The following GBE1 variants were observed in gnomAD, a reference collection of about 807,000 sequenced individuals.
The protein encoded by GBE1 is 1,4-alpha-glucan-branching enzyme.
GBE1 carries 70 observed loss-of-function variants against 88.8 expected under a neutral mutation model. That is an observed-to-expected ratio of 0.79 (90% CI 0.65 to 0.96). The LOEUF (loss-of-function observed/expected upper bound fraction) is 0.96. Among genes scored for constraint, GBE1 ranks in the 40% least tolerant of loss-of-function variants. GBE1 has a pLI of 0.00. For synonymous variants in GBE1, 284 were observed against 300.1 expected, an observed-to-expected ratio of 0.95 and a Z score of 0.56; for missense variants, 872 against 871.0, an observed-to-expected ratio of 1.00 and a Z score of -0.01.
chr3:81,750,635 ATATATATATG>A (rs1706507059), intron 1 of GBE1, among the ~76,000 whole-genome samples: 3 of 59,354 alleles, frequency 5.1e-5, no homozygotes, highest in African/African-American at 3.1e-4. Context: ...ATATACGTAT[ATATATATATG>A]TATATATATA....
chr3:81,712,564 C>G (rs546451494), intron 1 of GBE1, among the ~76,000 whole-genome samples: 3 of 151,732 alleles, frequency 2.0e-5, no homozygotes, highest in African/African-American at 4.8e-5. Flanking sequence ...AACCAAACAC[C>G]GCATGTTCTC....
At chr3:81,547,370 G>A (rs1703219359) in intron 12 of GBE1, among the ~76,000 whole-genome samples, 1 of 151,602 alleles carries the variant, frequency 6.6e-6, no homozygotes, top group Non-Finnish European at 1.5e-5. Flanking sequence ...GCTCTTTGGA[G>A]TAATCTGCTT....
At chr3:81,718,239 C>T (rs1315891995) in intron 1 of GBE1, among the ~76,000 whole-genome samples, 1 of 151,952 alleles carries the variant, frequency 6.6e-6, no homozygotes, top group African/African-American at 2.4e-5. Flanking sequence ...CTCAGCTTCC[C>T]AAAGTGCTGG....
At chr3:81,657,403 A>G (rs926194785) in intron 3 of GBE1, among the ~76,000 whole-genome samples, 4 of 152,164 alleles carry the variant, frequency 2.6e-5, no homozygotes, top group African/African-American at 9.6e-5. Flanking sequence ...TATCTATTGA[A>G]AAAATTGCAT....
Position 81,733,471 on chromosome 3 carries a change from T to C in GBE1, c.144-27858A>G, listed in dbSNP as rs1216193655. On this transcript the variant is annotated intron_variant, in intron 1 of 15. Transcript: ENST00000429644. The surrounding 1 kb of genome is among the most constrained non-coding windows in gnomAD (Gnocchi z 4.0). The stretch of plus-strand genomic sequence containing the variant: ...CCCTGCCCCCCATTCATGGAAAAAT[T>C]GTCTTCCACAAAACCAGTCGCTGGT... Among the ~76,000 whole-genome samples, 1 of 152,104 alleles carries C rather than the reference T, an allele frequency of 6.6e-6. No homozygotes were observed. Among genetic ancestry groups the C allele is most frequent in the Non-Finnish European group, 1.5e-5 (1 of 68,034 alleles).
chr3:81,599,744 A>G (rs895077451), intron 7 of GBE1, among the ~76,000 whole-genome samples: 7 of 152,212 alleles, frequency 4.6e-5, no homozygotes, highest in Non-Finnish European at 8.8e-5. Context: ...TTTTCAAACA[A>G]GTTTAAAAAA....
intron 14 of GBE1, among the ~76,000 whole-genome samples, chr3:81,510,911 A>G (rs1257514306): frequency 6.6e-6 from 1 of 152,040 alleles, no homozygotes; most frequent in Non-Finnish European, 1.5e-5. Context: ...GCATTCTCAC[A>G]CACACACAAG....
intron 1 of GBE1, among the ~76,000 whole-genome samples, chr3:81,718,686 G>C (rs1042616980): frequency 6.6e-6 from 1 of 152,050 alleles, no homozygotes; most frequent in Non-Finnish European, 1.5e-5. Context: ...GCCCAGGCTG[G>C]AGTGAAATGG....
chr3:81,649,132 A>C, intron 4 of GBE1, 141 bp from the exon 5 acceptor site: 1 of 547,964 alleles, frequency 1.8e-6, no homozygotes, highest in Non-Finnish European at 3.0e-6. Flanking sequence ...AGCTACACTC[A>C]CTAAATTTTC....
rs933910468 is a variant in GBE1, at chr3:81,641,702, T to C, written c.992+1079A>G. 2.0e-5 allele frequency among the ~76,000 whole-genome samples: 3 copies of C among 152,068 alleles called. No homozygotes were observed. In the South Asian group the frequency reaches 6.2e-4, roughly 32 times the overall value. ...TGAATGGCTATGAAATATAAAATAA[T>C]GTATGATATCCAGAAATAATGTATG... is the stretch of plus-strand genomic sequence containing the variant. On this transcript the variant is annotated intron_variant, in intron 7 of 15. Coordinates refer to ENST00000429644, the MANE Select transcript of GBE1 (RefSeq NM_000158.4).
intron 7 of GBE1, among the ~76,000 whole-genome samples, chr3:81,625,447 G>A (rs1377647187): frequency 1.4e-5 from 2 of 147,240 alleles, no homozygotes; most frequent in Non-Finnish European, 3.0e-5. Flanking sequence ...ATCCTGGACT[G>A]TTTTTTTTTT....
At chr3:81,622,222 C>T (rs1704342508) in intron 7 of GBE1, among the ~76,000 whole-genome samples, 1 of 152,176 alleles carries the variant, frequency 6.6e-6, no homozygotes, top group Non-Finnish European at 1.5e-5. Context: ...CCAACAAAAC[C>T]ATTTTTAGTC....
At chr3:81,554,033 G>A (rs767877098) in intron 12 of GBE1, among the ~76,000 whole-genome samples, 1 of 152,114 alleles carries the variant, frequency 6.6e-6, no homozygotes, top group Non-Finnish European at 1.5e-5. Context: ...ACACAATGTT[G>A]TAAGAACCAG....
chr3:81,569,852 T>C (rs1703549170), intron 12 of GBE1, among the ~76,000 whole-genome samples: 1 of 152,180 alleles, frequency 6.6e-6, no homozygotes, highest in South Asian at 2.1e-4. Flanking sequence ...TTTGCTCTTG[T>C]TGCCCAGGCC....
chr3:81,703,008 G>A (rs965437088), intron 2 of GBE1, among the ~76,000 whole-genome samples: 2 of 151,824 alleles, frequency 1.3e-5, no homozygotes, highest in Non-Finnish European at 2.9e-5. Context: ...GGGGGTGGGG[G>A]AACCAAATGC....
chr3:81,734,608 G>T (rs1238942552), intron 1 of GBE1, among the ~76,000 whole-genome samples: 1 of 152,122 alleles, frequency 6.6e-6, no homozygotes, highest in Non-Finnish European at 1.5e-5. Context: ...GTACTAGTTT[G>T]AGATGTTTTC....
intron 7 of GBE1, among the ~76,000 whole-genome samples, chr3:81,620,414 C>G (rs1704310652): frequency 6.6e-6 from 1 of 151,990 alleles, no homozygotes; most frequent in Non-Finnish European, 1.5e-5. Flanking sequence ...GAACTCCTGA[C>G]CTCGTAATCC....
chr3:81,741,501 C>A (rs993574979), intron 1 of GBE1, among the ~76,000 whole-genome samples: 1 of 151,962 alleles, frequency 6.6e-6, no homozygotes, highest in African/African-American at 2.4e-5. Flanking sequence ...ATCTAAAATG[C>A]AAACTATAAC....
At chr3:81,571,914 CTTAAAG>C (rs1203722805) in intron 12 of GBE1, among the ~76,000 whole-genome samples, 5 of 152,116 alleles carry the variant, frequency 3.3e-5, no homozygotes, top group African/African-American at 1.2e-4. Context: ...TAAAAAAATT[CTTAAAG>C]TTAGAGACTT....
Sources: allele counts gnomAD v4.1 joint callset (sites outside exome capture counted in the v4.1 genomes callset), GRCh38; gene constraint gnomAD v4.1.1; non-coding constraint Gnocchi (gnomAD v3.1); transcripts MANE v1.5; gene names NCBI Gene and HGNC (gene_info 2026-07-23, HGNC 2026-07-21).